The following DNAAF2 variants were observed in gnomAD, a reference collection of about 807,000 sequenced individuals.
DNAAF2 encodes dynein axonemal assembly factor 2, also known as protein kintoun.
DNAAF2 carries 58 observed loss-of-function variants against 48.8 expected under a neutral mutation model. The ratio of observed to expected loss-of-function variants is 1.19; its 90% confidence interval spans 0.96 to 1.48. The LOEUF (loss-of-function observed/expected upper bound fraction) is 1.48, where lower values mean the gene tolerates loss of function less well. DNAAF2 is among the 40% of genes most tolerant of loss of function. The pLI is 0.00. For missense variants in DNAAF2, 1,241 were observed against 1,116.1 expected (o/e 1.11, Z -1.59); for synonymous variants, 567 against 481.2 (o/e 1.18, Z -2.33).
intron 1 of DNAAF2, chr14:49,629,994 G>C (rs1883110603): frequency 6.6e-6 from 1 of 152,144 alleles, no homozygotes; most frequent in African/African-American, 2.4e-5. Flanking sequence ...CACTTTAGGA[G>C]GCCAAGGCAG....
At chr14:49,631,871 C>G (rs144178864) in intron 1 of DNAAF2, among the ~76,000 whole-genome samples, 1 of 152,290 alleles carries the variant, frequency 6.6e-6, no homozygotes, top group African/African-American at 2.4e-5. Context: ...ATATGTTCCA[C>G]TACTCATGAT....
chr14:49,630,734 ACTCT>A (rs1355579642), intron 1 of DNAAF2, among the ~76,000 whole-genome samples: 1 of 51,864 alleles, frequency 1.9e-5, no homozygotes, highest in African/African-American at 5.5e-5. Flanking sequence ...ACACACACAA[ACTCT>A]CTACACACAC....
Position 49,634,125 on chromosome 14 carries a change from A to T in DNAAF2, c.1025T>A (p.Leu342Gln). Residue 342 changes from leucine to glutamine, a missense_variant, in exon 1 of 3, where the codon CTG (leucine) becomes CAG (glutamine). Transcript: ENST00000298292. ...CAGCACCACTGGCAGCGTAACCACC[A>T]GCTGCCGCCGGGCCTTGTTGAATTG... ...KAQFNKARRQ[L>Q]VVTLPVVLPA... 1 of 1,559,982 alleles carries T rather than the reference A, an allele frequency of 6.4e-7. No individual in the cohort carries two copies. The highest frequency in any genetic ancestry group is 8.7e-7 in the Non-Finnish European group (1 of 1,153,116).
Position 49,633,604 on chromosome 14 carries a change from T to C in DNAAF2, c.1546A>G (p.Lys516Glu), listed in dbSNP as rs780331111. 4.3e-6 allele frequency: 7 copies of C among 1,613,834 alleles called. No individual in the cohort carries two copies. The highest frequency in any genetic ancestry group is 5.9e-6 in the Non-Finnish European group (7 of 1,179,876). Residue 516 changes from lysine to glutamate, a missense_variant, in exon 1 of 3, where the codon AAG (lysine) becomes GAG (glutamate). Lys to Glu is a moderately conservative substitution (Grantham distance 56). Coordinates refer to ENST00000298292, the MANE Select transcript of DNAAF2 (RefSeq NM_018139.3). ...SACAMGGPGT[K>E]SGEPLCPPLL... is the part of the protein sequence containing the mutation. ...GGAGGACACAAAGGCTCCCCGCTCTTGGTCCCGGGACCACCCATGGCGCAG... is the reference window on the plus strand; with the variant it reads ...GGAGGACACAAAGGCTCCCCGCTCTCGGTCCCGGGACCACCCATGGCGCAG...
intron 1 of DNAAF2, chr14:49,629,747 C>CCT (rs1167262553): frequency 6.6e-6 from 1 of 152,112 alleles, no homozygotes; most frequent in Non-Finnish European, 1.5e-5. Context: ...TTCAAGCTGT[C>CCT]CTCCTACCTT....
chr14:49,626,111 C>T (rs1882999462), intron 2 of DNAAF2, 63 bp from the exon 3 acceptor site: 1 of 1,277,922 alleles, frequency 7.8e-7, no homozygotes, highest in Non-Finnish European at 1.0e-6. Context: ...AATTGTACTA[C>T]CCTCTGGAAA....
chr14:49,634,191 A>C lies in DNAAF2; in HGVS notation c.959T>G (p.Leu320Arg), dbSNP rs767024971. The C allele has an allele frequency of 4.4e-5, 71 of 1,610,958 alleles. 2 individuals carry two copies. In the South Asian group the frequency reaches 7.8e-4, roughly 18 times the overall value. The change falls in exon 1 of 3, where the codon CTC (leucine) becomes CGC (arginine). Residue 320 changes from leucine to arginine, a missense_variant. Physicochemically the swap from Leu to Arg is moderately radical, Grantham distance 102. Transcript: ENST00000298292. ...DSRKPDYRLR[L>R]SLPYPVDDGR... is the part of the protein sequence containing the mutation. The stretch of plus-strand genomic sequence containing the variant: ...ATCGTCCACTGGGTACGGGAGCGAG[A>C]GCCGCAGCCGGTAGTCAGGTTTCCT...
chr14:49,627,459 T>G (rs964460974), intron 2 of DNAAF2, among the ~76,000 whole-genome samples: 2 of 152,246 alleles, frequency 1.3e-5, no homozygotes, highest in African/African-American at 4.8e-5. Flanking sequence ...TCAAACTTCC[T>G]AAGTGTTAGT....
intron 1 of DNAAF2, 126 bp downstream of exon 1, chr14:49,633,161 C>G (rs1883207487): frequency 4.5e-6 from 5 of 1,105,716 alleles, no homozygotes; most frequent in Admixed American, 2.6e-5. Context: ...ACCTCGTGAT[C>G]CGCCCGCCTC....
intron 1 of DNAAF2, among the ~76,000 whole-genome samples, chr14:49,630,682 CACACACACACACACACACATAAACTCTCT>C (rs1252816438): frequency 2.9e-5 from 4 of 136,244 alleles, no homozygotes; most frequent in African/African-American, 8.0e-5. Context: ...CACACACACA[CACACACACACACACACACATAAACTCTCT>C]ACACACACAC....
At position 49,633,830 on chromosome 14, in the gene DNAAF2, C is replaced by G. The variant is rs765107813; in HGVS notation, c.1320G>C (p.Leu440Phe). The change falls in exon 1 of 3, where the codon TTG becomes TTC. Residue 440 changes from leucine to phenylalanine, a missense_variant. Transcript: ENST00000298292. ...CCGGCGGTGACCCCGCGTGCCTGCT[C>G]AAGTCCTGCTCCCCCGGCTTGGGGA... ...ERVPKPGEQD[L>F]SRHAGSPPGS... The G allele has an allele frequency of 1.3e-6, 2 of 1,577,948 alleles. No homozygotes were observed. Among genetic ancestry groups the G allele is most frequent in the East Asian group, 2.3e-5 (1 of 43,640 alleles).
chr14:49,633,819 G>A lies in DNAAF2; in HGVS notation c.1331C>T (p.Ala444Val), dbSNP rs1247086952. 2.5e-6 allele frequency: 4 copies of A among 1,584,238 alleles called. No homozygotes were observed. Among genetic ancestry groups the A allele is most frequent in the East Asian group, 2.3e-5 (1 of 44,122 alleles). ...KPGEQDLSRH[A>V]GSPPGSVEEP... ...CTCCACGCTGCCCGGCGGTGACCCC[G>A]CGTGCCTGCTCAAGTCCTGCTCCCC... Residue 444 changes from alanine (A) to valine (V), a missense_variant, in exon 1 of 3, where the codon GCG becomes GTG. Physicochemically the swap from Ala to Val is moderately conservative, Grantham distance 64 (BLOSUM62 0). Transcript: ENST00000298292.
intron 1 of DNAAF2, among the ~76,000 whole-genome samples, chr14:49,631,400 T>C (rs1221363171): frequency 6.6e-6 from 1 of 151,918 alleles, no homozygotes; most frequent in Admixed American, 6.6e-5. Flanking sequence ...CCGAGGCGGG[T>C]GGATCACGAG....
chr14:49,633,042 C>T (rs1883204338), intron 1 of DNAAF2, among the ~76,000 whole-genome samples: 1 of 152,124 alleles, frequency 6.6e-6, no homozygotes, highest in Non-Finnish European at 1.5e-5. Context: ...CTGCCTCAGC[C>T]TCCCGAGCAG....
Position 49,634,724 on chromosome 14 carries a change from G to C in DNAAF2, c.426C>G (p.Tyr142Ter). The change falls in exon 1 of 3, where the codon TAC becomes TAG. Residue 142 changes from tyrosine (Y) to a stop codon, truncating the protein, a stop_gained. Coordinates refer to ENST00000298292, the MANE Select transcript of DNAAF2 (RefSeq NM_018139.3). LOFTEE classifies it high-confidence loss of function. ...AGRSSSRYMV[Y>*]DVVFHPDALA... ...GCGCGTCTGGATGGAAGACCACGTC[G>C]TAGACCATGTAGCGGCTGCTGCTGC... 6.2e-7 allele frequency: 1 copy of C among 1,605,420 alleles called. No homozygotes were observed. The highest frequency in any genetic ancestry group is 2.2e-5 in the East Asian group (1 of 44,854).
At position 49,634,441 on chromosome 14, in the gene DNAAF2, G is replaced by T; in HGVS notation, c.709C>A (p.Arg237=). The T allele has an allele frequency of 1.3e-6, 2 of 1,557,182 alleles. No individual in the cohort carries two copies. Among genetic ancestry groups the T allele is most frequent in the Non-Finnish European group, 8.7e-7 (1 of 1,154,398 alleles). The change falls in exon 1 of 3, where the codon CGG becomes AGG. Residue 237 remains arginine (R), a synonymous_variant. Transcript: ENST00000298292. ...GCCGCTTCCGGAGGGGAGGGCGCCC[G>T]GGGCCCGGGGGCTGCCGGGTACTGG... ...PYQYPAAPGP[R]APSPPEAALQ...
chr14:49,628,248 C>G, intron 1 of DNAAF2, 93 bp from the exon 2 acceptor site: 1 of 1,036,908 alleles, frequency 9.6e-7, no homozygotes, highest in Non-Finnish European at 1.4e-6. Context: ...TCACATTGTT[C>G]AGGGTTACAC....
chr14:49,628,974 TG>T (rs887392139), intron 1 of DNAAF2, among the ~76,000 whole-genome samples: 3 of 152,094 alleles, frequency 2.0e-5, no homozygotes, highest in Admixed American at 6.6e-5. Context: ...TGTTTGATTT[TG>T]TTTTTGAGAC....
At chr14:49,627,878 TTCTTC>T (rs1183775984) in intron 2 of DNAAF2, 129 bp downstream of exon 2, 4 of 959,404 alleles carry the variant, frequency 4.2e-6, no homozygotes, top group Non-Finnish European at 5.9e-6. Flanking sequence ...AGAAAAACTT[TTCTTC>T]TCTTAACATC....
Sources: allele counts gnomAD v4.1 joint callset (sites outside exome capture counted in the v4.1 genomes callset), GRCh38; gene constraint gnomAD v4.1.1; transcripts MANE v1.5; gene names NCBI Gene and HGNC (gene_info 2026-07-23, HGNC 2026-07-21).